The following ANO1 variants were observed in gnomAD, a reference collection of about 807,000 sequenced individuals.
ANO1 encodes the protein anoctamin-1.
A neutral mutation model predicts 124.0 loss-of-function variants in ANO1; 59 were observed. The ratio of observed to expected loss-of-function variants is 0.48; its 90% CI spans 0.39 to 0.59. The LOEUF (loss-of-function observed/expected upper bound fraction) is 0.59, where lower values mean the gene tolerates loss of function less well. Among genes scored for constraint, ANO1 ranks in the 20% least tolerant of loss-of-function variants. The probability of loss-of-function intolerance (pLI) is 0.00; values close to 1 mark genes in which losing one functional copy is unlikely to be tolerated. For synonymous variants in ANO1, 529 were observed against 532.0 expected (o/e 0.99, Z 0.08); for missense variants, 1,059 against 1,328.0 (o/e 0.80, Z 3.15).
chr11:70,120,460 T>G (rs1893083), intron 8 of ANO1, among the ~76,000 whole-genome samples: 1 of 152,022 alleles, frequency 6.6e-6, no homozygotes, highest in Non-Finnish European at 1.5e-5. Flanking sequence ...TGGGCCCTGT[T>G]GGGGAGAGGG....
chr11:70,075,728 G>A (rs983203914), upstream of ANO1, among the ~76,000 whole-genome samples: 25 of 152,212 alleles, frequency 1.6e-4, no homozygotes, highest in African/African-American at 6.0e-4. Context: ...GGGTGCAACA[G>A]TTTATGGAGA....
chr11:70,023,107 A>C (rs1856835619), intron 1 of ANO1, among the ~76,000 whole-genome samples: 1 of 152,238 alleles, frequency 6.6e-6, no homozygotes, highest in Non-Finnish European at 1.5e-5. Context: ...TAGCCCAGTG[A>C]GATCCATGCC....
intron 8 of ANO1, among the ~76,000 whole-genome samples, chr11:70,121,042 C>T (rs1294217539): frequency 2.6e-5 from 4 of 152,160 alleles, no homozygotes; most frequent in Admixed American, 6.5e-5. Flanking sequence ...CGAGGTCAAG[C>T]GGTATATGTA....
chr11:70,093,074 C>T (rs1404424919), intron 2 of ANO1, among the ~76,000 whole-genome samples: 1 of 151,352 alleles, frequency 6.6e-6, no homozygotes, highest in Non-Finnish European at 1.5e-5. Context: ...CTCTCTATCT[C>T]TCTCTCTCAC....
At chr11:70,018,685 C>T (rs564818235) in intron 1 of ANO1, among the ~76,000 whole-genome samples, 14 of 152,306 alleles carry the variant, frequency 9.2e-5, no homozygotes, top group Non-Finnish European at 1.8e-4. Context: ...AGGACCAGGG[C>T]ATGACTGTTG....
At chr11:70,187,209 C>T (rs1342197935) in intron 25 of ANO1, among the ~76,000 whole-genome samples, 1 of 152,200 alleles carries the variant, frequency 6.6e-6, no homozygotes, top group Non-Finnish European at 1.5e-5. Flanking sequence ...ACCTGCTCAG[C>T]CGGGGGTGCT....
rs2044908080 is a variant in ANO1, at chr11:70,095,435, A to AAAG, written c.441+7351_441+7352insAAG. 8.9e-5 allele frequency among the ~76,000 whole-genome samples: 13 copies of AAAG among 145,704 alleles called. 1 individual carries two copies. The highest frequency in any genetic ancestry group is 2.8e-4 in the Admixed American group (4 of 14,504). On this transcript the variant is annotated intron_variant, in intron 2 of 25. Transcript: ENST00000355303. ...GAAAGAAAGAAAGAAAGAAAAGAAA[A>AAAG]GAAAGAAAGAGGGAAAGAAAATTCA...
chr11:70,058,057 G>A (rs35266412), intron 1 of ANO1, among the ~76,000 whole-genome samples: 19,804 of 152,076 alleles, frequency 0.13, 1,727 homozygotes, highest in African/African-American at 0.22. Flanking sequence ...TTGGGGTAAG[G>A]GGTGATATTG....
Position 70,149,781 on chromosome 11 carries a change from G to A in ANO1, c.1330G>A (p.Glu444Lys), listed in dbSNP as rs1269802488. 6.2e-7 allele frequency: 1 copy of A among 1,613,640 alleles called. No homozygotes were observed. The highest frequency in any genetic ancestry group is 2.2e-5 in the East Asian group (1 of 44,870). ...CTACCGCTGGGACCTCACGGGCTTT[G>A]AAGAGGAAGAGGTCAGTGGGTTTGC... ...LNYRWDLTGF[E>K]EEEEAVKDHP... The change falls in exon 12 of 26, where the codon GAA becomes AAA. Residue 444 changes from glutamate to lysine, a missense_variant. Glu to Lys is a moderately conservative substitution (Grantham distance 56). This residue lies in a region of ANO1 where 809 missense variants were observed against 1,094.9 expected (regional missense o/e 0.74). Coordinates refer to ENST00000355303, the MANE Select transcript of ANO1 (RefSeq NM_018043.7).
chr11:70,014,085 G>A (rs567764656), intron 1 of ANO1, among the ~76,000 whole-genome samples: 6 of 152,216 alleles, frequency 3.9e-5, no homozygotes, highest in South Asian at 2.1e-4. Flanking sequence ...CCATGGGGCC[G>A]TAGTTTAACC....
At chr11:69,992,651 G>C (rs1554997736) in intron 1 of ANO1, among the ~76,000 whole-genome samples, 1 of 152,156 alleles carries the variant, frequency 6.6e-6, no homozygotes, top group Non-Finnish European at 1.5e-5. Context: ...TAATTCAGCT[G>C]CTGCCTCCCT....
In ANO1 at chr11:70,166,148, C is replaced by T. The variant is rs1166680784; in HGVS notation, c.2051+578C>T. 2.0e-5 allele frequency among the ~76,000 whole-genome samples: 3 copies of T among 151,562 alleles called. No individual in the cohort carries two copies. In the South Asian group the frequency reaches 6.3e-4, roughly 32 times the overall value. ...GCCTGGCCAACATGGTGAAACCCCACCTCTACTAAAAATACAAAAATTAGC... is the reference window on the plus strand; with the variant it reads ...GCCTGGCCAACATGGTGAAACCCCATCTCTACTAAAAATACAAAAATTAGC... On this transcript the variant is annotated intron_variant, in intron 20 of 25. Coordinates refer to ENST00000355303, the MANE Select transcript of ANO1 (RefSeq NM_018043.7).
At chr11:70,124,623 G>A (rs1232855904) in intron 9 of ANO1, among the ~76,000 whole-genome samples, 1 of 152,224 alleles carries the variant, frequency 6.6e-6, no homozygotes, top group Non-Finnish European at 1.5e-5. Flanking sequence ...TTCCCTGGAG[G>A]TCGGGCCCTT....
chr11:70,008,768 C>T (rs1323307912), intron 1 of ANO1, among the ~76,000 whole-genome samples: 1 of 152,046 alleles, frequency 6.6e-6, no homozygotes, highest in East Asian at 1.9e-4. Context: ...ACATGATGAC[C>T]ATGGACACCT....
chr11:70,046,904 T>C (rs549392741), intron 1 of ANO1, among the ~76,000 whole-genome samples: 1 of 151,798 alleles, frequency 6.6e-6, no homozygotes, highest in South Asian at 2.1e-4. Context: ...TGAAACCCTG[T>C]CTCTACTAAA....
At chr11:70,072,721 C>A (rs531450428) in intron 1 of ANO1, 22 of 152,454 alleles carry the variant, frequency 1.4e-4, no homozygotes, top group African/African-American at 5.3e-4. Context: ...AGGGATGCAA[C>A]TTTGGTGCAC....
chr11:70,142,030 G>A (rs1366854271), intron 11 of ANO1, among the ~76,000 whole-genome samples: 1 of 152,206 alleles, frequency 6.6e-6, no homozygotes, highest in Non-Finnish European at 1.5e-5. Flanking sequence ...GAGCTGACAC[G>A]TTGGTCCCAG....
At chr11:70,158,563 T>C (rs2135692852) in intron 16 of ANO1, among the ~76,000 whole-genome samples, 1 of 152,374 alleles carries the variant, frequency 6.6e-6, no homozygotes, top group African/African-American at 2.4e-5. Context: ...CACTGGCATA[T>C]GCCTGCAGAA....
At chr11:70,117,421 C>G (rs536505505) in intron 8 of ANO1, among the ~76,000 whole-genome samples, 1 of 152,102 alleles carries the variant, frequency 6.6e-6, no homozygotes, top group Non-Finnish European at 1.5e-5. Context: ...CTCCCCAAAG[C>G]GTTGGTCCCC....
Sources: gnomAD v4.1 joint callset for allele counts (sites outside exome capture counted in the v4.1 genomes callset) on GRCh38, gnomAD v4.1.1 for gene constraint, gnomAD v4.1.1 regional missense constraint, MANE v1.5 for transcripts, NCBI Gene and HGNC (gene_info 2026-07-23, HGNC 2026-07-21) for gene names.